CAMKMT: variants seen among roughly 807,000 people sequenced by gnomAD.
CAMKMT encodes calmodulin-lysine N-methyltransferase.
In CAMKMT, 53 loss-of-function variants were observed where a neutral mutation model predicts 48.0. The observed-to-expected ratio is 1.10, with a 90% CI of 0.89 to 1.39. CAMKMT has a LOEUF of 1.39. Among genes scored for constraint, CAMKMT ranks in the 40% most tolerant of loss-of-function variants. The pLI is 0.00. For synonymous variants in CAMKMT, 165 were observed against 152.3 expected (o/e 1.08, Z -0.61); for missense variants, 428 against 402.7 (o/e 1.06, Z -0.54).
chr2:44,699,083 C>T (rs1172950609), intron 3 of CAMKMT, among the ~76,000 whole-genome samples: 2 of 152,156 alleles, frequency 1.3e-5, no homozygotes, highest in African/African-American at 4.8e-5. Context: ...GCTATTTCCA[C>T]CTCTCAAAAT....
At chr2:44,636,213 A>G (rs1673125705) in intron 3 of CAMKMT, among the ~76,000 whole-genome samples, 1 of 152,218 alleles carries the variant, frequency 6.6e-6, no homozygotes, top group African/African-American at 2.4e-5. Context: ...AGAACTGGGC[A>G]GTTTTAGAGG....
At chr2:44,751,012 C>CA (rs111264651) in intron 8 of CAMKMT, among the ~76,000 whole-genome samples, 34,097 of 147,434 alleles carry the variant, frequency 0.23, 4,154 homozygotes, top group African/African-American at 0.34. Flanking sequence ...GACTCGGTCT[C>CA]AAAAAAAAAA....
At chr2:44,367,286 A>G (rs1678701568) in intron 1 of CAMKMT, among the ~76,000 whole-genome samples, 1 of 152,212 alleles carries the variant, frequency 6.6e-6, no homozygotes, top group African/African-American at 2.4e-5. Context: ...TAATACAAAA[A>G]TTAAAGATCT....
chr2:44,463,305 A>G (rs1252953422), intron 3 of CAMKMT, among the ~76,000 whole-genome samples: 1 of 152,238 alleles, frequency 6.6e-6, no homozygotes, highest in Non-Finnish European at 1.5e-5. Context: ...GGATAGCTCC[A>G]GAAGCCAGTT....
intron 3 of CAMKMT, among the ~76,000 whole-genome samples, chr2:44,548,014 C>T (rs1366797391): frequency 2.0e-5 from 3 of 151,864 alleles, no homozygotes; most frequent in Non-Finnish European, 4.4e-5. Flanking sequence ...AAAACTTGGC[C>T]CTGGACATCT....
intron 3 of CAMKMT, among the ~76,000 whole-genome samples, chr2:44,627,642 A>G (rs1011330004): frequency 2.7e-5 from 4 of 145,982 alleles, no homozygotes; most frequent in African/African-American, 7.6e-5. Flanking sequence ...TGTCTATTTC[A>G]TGTAATTTTC....
At chr2:44,715,440 C>A in intron 7 of CAMKMT, 87 bp downstream of exon 7, 1 of 957,496 alleles carries the variant, frequency 1.0e-6, no homozygotes, top group Non-Finnish European at 1.6e-6. Context: ...TAATAGCTAA[C>A]ATTTATTGAG....
At chr2:44,423,824 T>G (rs1017764236) in intron 3 of CAMKMT, among the ~76,000 whole-genome samples, 12 of 152,214 alleles carry the variant, frequency 7.9e-5, no homozygotes, top group Admixed American at 7.2e-4. Context: ...CCTGTCCTGC[T>G]TCTTAGAGGC....
intron 3 of CAMKMT, among the ~76,000 whole-genome samples, chr2:44,700,729 T>C (rs1426643725): frequency 6.6e-6 from 1 of 152,146 alleles, no homozygotes; most frequent in Non-Finnish European, 1.5e-5. Context: ...TCAGATATAA[T>C]AATAATGAAA....
At chr2:44,370,941 G>A (rs1003675512) in intron 1 of CAMKMT, among the ~76,000 whole-genome samples, 2 of 152,124 alleles carry the variant, frequency 1.3e-5, no homozygotes, top group Middle Eastern at 3.2e-3. Context: ...TTCCTGAGTA[G>A]CTAGGACTAC....
chr2:44,398,917 A>T (rs1356116717), intron 3 of CAMKMT, among the ~76,000 whole-genome samples: 4 of 152,052 alleles, frequency 2.6e-5, no homozygotes, highest in African/African-American at 9.7e-5. Context: ...GTTAAAAAAA[A>T]TTTTCTCTTC....
intron 3 of CAMKMT, among the ~76,000 whole-genome samples, chr2:44,600,111 T>A (rs1044803230): frequency 2.6e-5 from 4 of 152,118 alleles, no homozygotes; most frequent in Admixed American, 1.3e-4. Context: ...ATTCTGAAAT[T>A]TACATTTATC....
intron 3 of CAMKMT, among the ~76,000 whole-genome samples, chr2:44,494,631 CT>C (rs1380743559): frequency 6.6e-6 from 1 of 152,104 alleles, no homozygotes; most frequent in Non-Finnish European, 1.5e-5. Context: ...TTTTAAAGCC[CT>C]TTTTCTTTAG....
In CAMKMT at chr2:44,564,820, G is replaced by A. The variant is rs576222905; in HGVS notation, c.377-139463G>A. 9.2e-5 allele frequency among the ~76,000 whole-genome samples: 14 copies of A among 152,200 alleles called. No individual in the cohort carries two copies. In the East Asian group the frequency reaches 1.2e-3, roughly 13 times the overall value. ...CCCCCAAAGAACTGGGATTACAGGCGTGAGCTACCACACCCGGCCCAAGCT... is the reference window on the plus strand; with the variant it reads ...CCCCCAAAGAACTGGGATTACAGGCATGAGCTACCACACCCGGCCCAAGCT... On this transcript the variant is annotated intron_variant, in intron 3 of 10. Coordinates refer to ENST00000378494, the MANE Select transcript of CAMKMT (RefSeq NM_024766.5).
At chr2:44,432,835 A>G (rs1684730546) in intron 3 of CAMKMT, among the ~76,000 whole-genome samples, 1 of 152,156 alleles carries the variant, frequency 6.6e-6, no homozygotes, top group Non-Finnish European at 1.5e-5. Flanking sequence ...TTAAAAAAAA[A>G]AAAAACATAT....
chr2:44,652,909 A>G (rs1054740208), intron 3 of CAMKMT, among the ~76,000 whole-genome samples: 2 of 152,208 alleles, frequency 1.3e-5, no homozygotes, highest in East Asian at 1.9e-4. Flanking sequence ...TATCCAGGCC[A>G]TATGCTTCTC....
At chr2:44,382,132 G>A (rs1408481110) in intron 2 of CAMKMT, among the ~76,000 whole-genome samples, 1 of 151,936 alleles carries the variant, frequency 6.6e-6, no homozygotes, top group Non-Finnish European at 1.5e-5. Context: ...AGTAGAGACA[G>A]GGTTTCACCA....
At chr2:44,373,855 G>A (rs1430546190) in intron 2 of CAMKMT, among the ~76,000 whole-genome samples, 2 of 152,024 alleles carry the variant, frequency 1.3e-5, no homozygotes, top group Non-Finnish European at 2.9e-5. Context: ...TGGGCGCAGT[G>A]GCTCATGCCT....
chr2:44,758,872 A>C (rs888496083), intron 9 of CAMKMT, among the ~76,000 whole-genome samples: 1 of 152,256 alleles, frequency 6.6e-6, no homozygotes, highest in Non-Finnish European at 1.5e-5. Flanking sequence ...TATTCCTCTG[A>C]AATGACTTTG....
Sources: gnomAD v4.1 joint callset for allele counts (sites outside exome capture counted in the v4.1 genomes callset) on GRCh38, gnomAD v4.1.1 for gene constraint, MANE v1.5 for transcripts, NCBI Gene and HGNC (gene_info 2026-07-23, HGNC 2026-07-21) for gene names.